DOP1B: variants seen among roughly 807,000 people sequenced by gnomAD.
DOP1B encodes DOP1 leucine zipper like protein B.
In DOP1B, 174 loss-of-function variants were observed where a neutral mutation model predicts 233.5. The ratio of observed to expected loss-of-function variants is 0.75; its 90% confidence interval spans 0.66 to 0.85. The LOEUF (loss-of-function observed/expected upper bound fraction) is 0.85. DOP1B is among the 40% of genes least tolerant of loss of function. The pLI is 0.00. For synonymous variants in DOP1B, 1,190 were observed against 1,185.6 expected (o/e 1.00, Z -0.08); for missense variants, 2,652 against 2,846.6 (o/e 0.93, Z 1.56).
At chr21:36,165,173 A>G (rs2187300) in intron 2 of DOP1B, among the ~76,000 whole-genome samples, 56,465 of 151,966 alleles carry the variant, frequency 0.37, 10,636 homozygotes, top group South Asian at 0.5. Context: ...AAAAATATAT[A>G]TAGTGTTCGT....
At chr21:36,169,146 T>G in intron 2 of DOP1B, 1 of 946,294 alleles carries the variant, frequency 1.1e-6, no homozygotes, top group Non-Finnish European at 1.7e-6. Flanking sequence ...GTGCAGAGAA[T>G]GAGCACTCGC....
intron 23 of DOP1B, among the ~76,000 whole-genome samples, chr21:36,255,408 T>G (rs1436744398): frequency 1.3e-5 from 2 of 151,244 alleles, no homozygotes; most frequent in Non-Finnish European, 2.9e-5. Context: ...ATTACAGGCG[T>G]GAGCCACCGT....
chr21:36,289,455 G>A (rs2067531790), intron 35 of DOP1B, among the ~76,000 whole-genome samples: 1 of 88,290 alleles, frequency 1.1e-5, no homozygotes, highest in Non-Finnish European at 2.5e-5. Flanking sequence ...GTGTGTGTGT[G>A]TGTGTGTGTG....
At chr21:36,179,760 G>A (rs2066074194) in intron 2 of DOP1B, among the ~76,000 whole-genome samples, 1 of 152,098 alleles carries the variant, frequency 6.6e-6, no homozygotes, top group South Asian at 2.1e-4. Flanking sequence ...AAAGGGAGGG[G>A]GTACTGTATA....
In DOP1B at chr21:36,247,560, A is replaced by G; in HGVS notation, c.4741A>G (p.Thr1581Ala). The change falls in exon 20 of 37, where the codon ACC becomes GCC. Residue 1581 changes from threonine (T) to alanine (A), a missense_variant. Around this residue, in one of 3 missense-constraint regions of DOP1B, gnomAD observed 2,617 missense variants for 2,794.3 expected, o/e 0.94. Coordinates refer to ENST00000691173, the MANE Select transcript of DOP1B (RefSeq NM_001320714.2). ...AAACATTTCTCCAGATTATCCACTC[A>G]CCCTTCTAGAAGGTCTAACGACCAT... ...RENISPDYPLTLLEGLTTISH... is the reference protein window; with the variant it reads ...RENISPDYPLALLEGLTTISH... 3 of 1,610,750 alleles carry G rather than the reference A, an allele frequency of 1.9e-6. No homozygotes were observed. The highest frequency in any genetic ancestry group is 2.5e-6 in the Non-Finnish European group (3 of 1,179,116).
intron 2 of DOP1B, among the ~76,000 whole-genome samples, chr21:36,176,327 A>G (rs907806144): frequency 1.3e-5 from 2 of 151,364 alleles, no homozygotes; most frequent in African/African-American, 2.4e-5. Context: ...TTGACTCTGC[A>G]CTCCTTATCC....
In DOP1B at chr21:36,227,164, C is replaced by T. The variant is rs569860998; in HGVS notation, c.1474-522C>T. On this transcript the variant is annotated intron_variant, in intron 12 of 36. Transcript: ENST00000691173. ...CAGAGCTTGCAGTGAGCCGAGATCACACCACTGCACTCCAGCCTGGGTGAC... is the reference window on the plus strand; with the variant it reads ...CAGAGCTTGCAGTGAGCCGAGATCATACCACTGCACTCCAGCCTGGGTGAC... Among the ~76,000 whole-genome samples the T allele has an allele frequency of 5.0e-3, 753 of 150,716 alleles. 25 individuals are homozygous for T. In the East Asian group the frequency reaches 0.084, roughly 17 times the overall value.
intron 2 of DOP1B, among the ~76,000 whole-genome samples, chr21:36,186,213 AAAG>A (rs1025130220): frequency 3.3e-5 from 5 of 151,930 alleles, no homozygotes; most frequent in Admixed American, 6.6e-5. Context: ...ACAAAAAAAA[AAAG>A]AAGTAATTTT....
intron 2 of DOP1B, among the ~76,000 whole-genome samples, chr21:36,192,355 T>C (rs2066242987): frequency 1.5e-5 from 2 of 132,482 alleles, no homozygotes; most frequent in Admixed American, 7.6e-5. Flanking sequence ...CAAGACACTG[T>C]CAAAAAAAAA....
intron 2 of DOP1B, among the ~76,000 whole-genome samples, chr21:36,196,573 A>G (rs2066292787): frequency 7.6e-6 from 1 of 131,962 alleles, no homozygotes; most frequent in Non-Finnish European, 1.7e-5. Flanking sequence ...ACATTATTTT[A>G]TTAGCATTCC....
chr21:36,215,612 C>G (rs548189507), intron 9 of DOP1B, among the ~76,000 whole-genome samples: 10 of 151,694 alleles, frequency 6.6e-5, no homozygotes, highest in African/African-American at 2.2e-4. Flanking sequence ...ATCATCTTGG[C>G]TAAGCTGGTC....
At chr21:36,259,913 G>T (rs1383803590) in intron 23 of DOP1B, among the ~76,000 whole-genome samples, 1 of 152,130 alleles carries the variant, frequency 6.6e-6, no homozygotes, top group Non-Finnish European at 1.5e-5. Flanking sequence ...CAAGGAGGGG[G>T]TAAAATATGT....
intron 35 of DOP1B, 98 bp downstream of exon 35, chr21:36,289,304 A>AC: frequency 7.8e-7 from 1 of 1,285,456 alleles, no homozygotes; most frequent in Non-Finnish European, 1.1e-6. Flanking sequence ...TTTATGGGAA[A>AC]CCACCATCTG....
At chr21:36,234,128 A>G (rs6517340) in intron 15 of DOP1B, among the ~76,000 whole-genome samples, 45,681 of 151,832 alleles carry the variant, frequency 0.3, 7,691 homozygotes, top group East Asian at 0.55. Context: ...AAAGTGCCAG[A>G]ATTATAGGTG....
chr21:36,211,841 C>A, intron 6 of DOP1B, 133 bp from the exon 7 acceptor site: 1 of 1,397,106 alleles, frequency 7.2e-7, no homozygotes, highest in Non-Finnish European at 9.9e-7. Flanking sequence ...AGCTTCTTTC[C>A]ATGGGTAATG....
Position 36,238,616 on chromosome 21 carries a change from G to A in DOP1B, c.2791G>A (p.Ala931Thr), listed in dbSNP as rs1398645680. 6.2e-7 allele frequency: 1 copy of A among 1,614,206 alleles called. No homozygotes were observed. Among genetic ancestry groups the A allele is most frequent in the Non-Finnish European group, 8.5e-7 (1 of 1,180,028 alleles). The change falls in exon 17 of 37, where the codon GCT becomes ACT. Residue 931 changes from alanine to threonine, a missense_variant. Ala to Thr is a moderately conservative substitution (Grantham distance 58). Around this residue, in one of 3 missense-constraint regions of DOP1B, gnomAD observed 2,617 missense variants for 2,794.3 expected, o/e 0.94. Transcript: ENST00000691173. ...LDPDKGTRLE[A>T]LFRFSVIWHL... Reference sequence around the variant, plus strand: ...CCTCATCAAGGGAACAAGGCTGGAAGCTCTGTTTAGATTTTCCGTGATCTG... The same window carrying A: ...CCTCATCAAGGGAACAAGGCTGGAAACTCTGTTTAGATTTTCCGTGATCTG...
At chr21:36,239,333 G>A (rs1393669032) in intron 17 of DOP1B, among the ~76,000 whole-genome samples, 1 of 152,160 alleles carries the variant, frequency 6.6e-6, no homozygotes, top group African/African-American at 2.4e-5. Flanking sequence ...GACCTCCCCT[G>A]GAGCAGTGAC....
chr21:36,254,947 CTTTT>C (rs35630827), intron 23 of DOP1B, among the ~76,000 whole-genome samples: 2 of 127,666 alleles, frequency 1.6e-5, no homozygotes, highest in Non-Finnish European at 1.6e-5. Context: ...ATTTGTGTAA[CTTTT>C]TTTTTTTTTT....
chr21:36,227,948 T>C, intron 13 of DOP1B, 71 bp downstream of exon 13: 1 of 1,401,228 alleles, frequency 7.1e-7, no homozygotes, highest in Non-Finnish European at 9.4e-7. Context: ...GAGTAGAAAG[T>C]CTTTAGGGTT....
Sources: allele counts gnomAD v4.1 joint callset (sites outside exome capture counted in the v4.1 genomes callset), GRCh38; gene constraint gnomAD v4.1.1; regional missense constraint gnomAD v4.1.1; transcripts MANE v1.5; gene names NCBI Gene and HGNC (gene_info 2026-07-23, HGNC 2026-07-21).